SPATA6: variants seen among roughly 807,000 people sequenced by gnomAD.
SPATA6 encodes spermatogenesis-associated protein 6.
SPATA6 carries 56 observed loss-of-function variants against 65.3 expected under a neutral mutation model. The ratio of observed to expected loss-of-function variants is 0.86; its 90% CI spans 0.69 to 1.07. The LOEUF is 1.07. Among genes scored for constraint, SPATA6 ranks in the 50% least tolerant of loss-of-function variants. SPATA6 has a pLI of 0.00. For synonymous variants in SPATA6, 199 were observed against 213.2 expected (o/e 0.93, Z 0.58); for missense variants, 590 against 594.8 (o/e 0.99, Z 0.08).
downstream of SPATA6, among the ~76,000 whole-genome samples, chr1:48,291,917 T>C (rs1363817399): frequency 6.6e-6 from 1 of 152,164 alleles, no homozygotes; most frequent in Non-Finnish European, 1.5e-5. Flanking sequence ...TGTTTATGGG[T>C]TTTTTAAATC....
intron 1 of SPATA6, among the ~76,000 whole-genome samples, chr1:48,453,870 GA>G (rs1181616231): frequency 4.0e-5 from 6 of 150,684 alleles, no homozygotes; most frequent in South Asian, 2.1e-4. Context: ...GAGAAGGAAG[GA>G]AAAAAAGTGA....
chr1:48,439,631 G>A (rs1012305042), intron 3 of SPATA6, among the ~76,000 whole-genome samples: 1 of 152,210 alleles, frequency 6.6e-6, no homozygotes, highest in Non-Finnish European at 1.5e-5. Flanking sequence ...AGGTTCTTGG[G>A]CAAGAGGGGA....
At chr1:48,277,232 C>T in the SPATA6 span, among the ~76,000 whole-genome samples, 1 of 151,954 alleles carries the variant, frequency 6.6e-6, no homozygotes, top group East Asian at 1.9e-4. Context: ...CTCCGGTCTA[C>T]AGTTTCCAGC....
At chr1:48,419,693 C>A (rs971464729) in intron 3 of SPATA6, among the ~76,000 whole-genome samples, 1 of 152,182 alleles carries the variant, frequency 6.6e-6, no homozygotes, top group African/African-American at 2.4e-5. Flanking sequence ...TTAGGCACAT[C>A]ACTACTATTA....
intron 9 of SPATA6, among the ~76,000 whole-genome samples, chr1:48,374,999 T>C: frequency 6.6e-6 from 1 of 152,208 alleles, no homozygotes; most frequent in East Asian, 1.9e-4. Context: ...TGTGATGTAC[T>C]TCTGACCAGA....
At chr1:48,398,447 A>G (rs1650814394) in intron 7 of SPATA6, among the ~76,000 whole-genome samples, 1 of 151,792 alleles carries the variant, frequency 6.6e-6, no homozygotes, top group Non-Finnish European at 1.5e-5. Context: ...GCATATTTAC[A>G]TGTTGGATGA....
At chr1:48,356,310 CA>C (rs1646658127) in intron 10 of SPATA6, among the ~76,000 whole-genome samples, 1 of 151,706 alleles carries the variant, frequency 6.6e-6, no homozygotes, top group East Asian at 1.9e-4. Context: ...AAAGAAGAAA[CA>C]AAGCATCCCT....
Position 48,298,626 on chromosome 1 carries a change from TA to T in SPATA6, c.*86del, listed in dbSNP as rs1217760630. 1.2e-5 allele frequency: 16 copies of T among 1,316,232 alleles called. No homozygotes were observed. The highest frequency in any genetic ancestry group is 3.4e-5 in the South Asian group (2 of 58,370). 81.5% of individuals were successfully genotyped at this position (1,316,232 alleles called of 1,614,324 possible). Reference sequence around the variant, plus strand: ...TACTTAGTTATAATCCCATTTTTTTTAAAAAAAGGAATACAGATATTGATCA... The same window carrying T: ...TACTTAGTTATAATCCCATTTTTTTTAAAAAAGGAATACAGATATTGATCA... On this transcript the variant is annotated 3_prime_UTR_variant, in exon 13 of 13. Coordinates refer to ENST00000371847, the MANE Select transcript of SPATA6 (RefSeq NM_019073.4).
intron 11 of SPATA6, among the ~76,000 whole-genome samples, chr1:48,320,095 A>C (rs1645557701): frequency 6.6e-6 from 1 of 152,162 alleles, no homozygotes; most frequent in African/African-American, 2.4e-5. Flanking sequence ...TTTGTCTCCT[A>C]CAACAGTCAC....
At chr1:48,443,033 G>GA (rs753176239) in intron 3 of SPATA6, among the ~76,000 whole-genome samples, 26 of 152,124 alleles carry the variant, frequency 1.7e-4, no homozygotes, top group Admixed American at 1.2e-3. Context: ...GGCAATTAAG[G>GA]AAAAAAGACA....
At chr1:48,434,483 G>C (rs1169387178) in intron 3 of SPATA6, among the ~76,000 whole-genome samples, 1 of 152,164 alleles carries the variant, frequency 6.6e-6, no homozygotes, top group Non-Finnish European at 1.5e-5. Context: ...ACAAGATACA[G>C]ATCTAAAGAT....
chr1:48,268,085 A>G, the SPATA6 span, among the ~76,000 whole-genome samples: 1 of 151,892 alleles, frequency 6.6e-6, no homozygotes, highest in Non-Finnish European at 1.5e-5. Flanking sequence ...AGAATGGGGT[A>G]CGTGGGGGGC....
the SPATA6 span, among the ~76,000 whole-genome samples, chr1:48,287,937 G>T: frequency 2.6e-5 from 4 of 152,274 alleles, no homozygotes; most frequent in African/African-American, 9.6e-5. Flanking sequence ...TTAGCAGTGG[G>T]TTTTTCATAT....
chr1:48,402,939 G>A (rs1472073117), intron 6 of SPATA6, among the ~76,000 whole-genome samples: 1 of 152,156 alleles, frequency 6.6e-6, no homozygotes, highest in African/African-American at 2.4e-5. Context: ...AGAATTTTGG[G>A]AGGCTGAGGT....
intron 9 of SPATA6, among the ~76,000 whole-genome samples, chr1:48,362,603 G>A (rs921340748): frequency 2.6e-5 from 4 of 152,056 alleles, no homozygotes; most frequent in Non-Finnish European, 4.4e-5. Context: ...ATATACAGAA[G>A]GATAAATGAC....
chr1:48,388,329 G>A (rs1487417310), intron 8 of SPATA6, among the ~76,000 whole-genome samples: 1 of 151,674 alleles, frequency 6.6e-6, no homozygotes, highest in Non-Finnish European at 1.5e-5. Context: ...GGATTCATCT[G>A]CAGGAAAAAG....
At chr1:48,313,149 G>A (rs1189889847) in intron 11 of SPATA6, among the ~76,000 whole-genome samples, 2 of 152,174 alleles carry the variant, frequency 1.3e-5, no homozygotes, top group African/African-American at 4.8e-5. Flanking sequence ...AACTTCCCCA[G>A]TCTAGCAATG....
chr1:48,430,567 G>A lies in SPATA6; in HGVS notation c.239-17416C>T, dbSNP rs114841935. ...AAGATCTCAATAAAGGTAAATATGCGGGAAGTTATAAAAGCTAGTATTACT... is the reference window on the plus strand; with the variant it reads ...AAGATCTCAATAAAGGTAAATATGCAGGAAGTTATAAAAGCTAGTATTACT... On this transcript the variant is annotated intron_variant, in intron 3 of 12. Coordinates refer to ENST00000371847, the MANE Select transcript of SPATA6 (RefSeq NM_019073.4). Among the ~76,000 whole-genome samples, 366 of 152,162 alleles carry A rather than the reference G, an allele frequency of 2.4e-3. 1 individual carries two copies. Among genetic ancestry groups the A allele is most frequent in the African/African-American group, 7.9e-3 (328 of 41,530 alleles).
intron 11 of SPATA6, chr1:48,325,460 G>A: frequency 8.2e-7 from 1 of 1,217,960 alleles, no homozygotes; most frequent in Non-Finnish European, 1.2e-6. Context: ...CTATGTTCCT[G>A]AATCGACAAA....
Sources: gnomAD v4.1 joint callset for allele counts (sites outside exome capture counted in the v4.1 genomes callset) on GRCh38, gnomAD v4.1.1 for gene constraint, MANE v1.5 for transcripts, NCBI Gene and HGNC (gene_info 2026-07-23, HGNC 2026-07-21) for gene names.